ELMO1: variants seen among roughly 807,000 people sequenced by gnomAD.
ELMO1 encodes engulfment and cell motility protein 1.
Under a neutral mutation model 98.9 loss-of-function variants are expected in ELMO1, and 26 were observed. The observed-to-expected ratio is 0.26, with a 90% CI of 0.19 to 0.36. The LOEUF is 0.36. ELMO1 is among the 10% of genes least tolerant of loss of function. The pLI, the probability that ELMO1 is intolerant of heterozygous loss-of-function variation, is 1.00. For synonymous variants in ELMO1, 346 were observed against 346.0 expected (o/e 1.00, Z 0.00); for missense variants, 627 against 935.2 (o/e 0.67, Z 4.30).
chr7:37,006,076 C>T (rs114638215), intron 16 of ELMO1, among the ~76,000 whole-genome samples: 1 of 152,216 alleles, frequency 6.6e-6, no homozygotes, highest in East Asian at 1.9e-4. Context: ...CTGTCCCCAG[C>T]CCCCTGCCTC....
chr7:37,342,862 G>C lies in ELMO1; in HGVS notation c.-73-99C>G. ...CCTGTTTTCACTGGTGGTTTGGTAT[G>C]AAAAACGGCTCCCCTTGGTGCCTGG... On this transcript the variant is annotated intron_variant, in intron 1 of 21. Transcript: ENST00000310758. The surrounding 1 kb of genome is among the most constrained non-coding windows in gnomAD (Gnocchi z 4.3). The C allele has an allele frequency of 2.1e-5, 12 of 583,496 alleles. No homozygotes were observed. The highest frequency in any genetic ancestry group is 5.8e-6 in the Non-Finnish European group (2 of 342,540). The allele number at this position is 583,496 out of a possible 1,614,324, so 36.1% of individuals were successfully genotyped here.
intron 15 of ELMO1, among the ~76,000 whole-genome samples, chr7:37,065,827 G>C (rs1364706289): frequency 1.3e-5 from 2 of 152,156 alleles, no homozygotes; most frequent in Non-Finnish European, 2.9e-5. Flanking sequence ...CTGGGAAAAA[G>C]AAACAATCTG....
chr7:36,962,744 C>T (rs1048411860), intron 16 of ELMO1, among the ~76,000 whole-genome samples: 1 of 152,068 alleles, frequency 6.6e-6, no homozygotes, highest in Non-Finnish European at 1.5e-5. Flanking sequence ...GCTTTGAAGT[C>T]CTCCTTCCTT....
intron 15 of ELMO1, among the ~76,000 whole-genome samples, chr7:37,080,436 C>CTTTTTTTT (rs1192675212): frequency 7.3e-6 from 1 of 136,574 alleles, no homozygotes; most frequent in Non-Finnish European, 1.6e-5. Flanking sequence ...CACCATCCCA[C>CTTTTTTTT]TTTTTTTTTT....
chr7:36,861,885 T>A, intron 20 of ELMO1, 149 bp from the exon 21 acceptor site: 1 of 701,270 alleles, frequency 1.4e-6, no homozygotes, highest in Non-Finnish European at 2.5e-6. Context: ...GGAACCATGC[T>A]CTTCAAGGTT....
At chr7:37,020,384 G>A (rs1340347482) in intron 15 of ELMO1, among the ~76,000 whole-genome samples, 2 of 152,176 alleles carry the variant, frequency 1.3e-5, no homozygotes, top group Non-Finnish European at 2.9e-5. Flanking sequence ...AGAGTGTGAA[G>A]ACATTAGAGT....
At chr7:37,297,410 T>C (rs1490563592) in intron 4 of ELMO1, among the ~76,000 whole-genome samples, 1 of 152,160 alleles carries the variant, frequency 6.6e-6, no homozygotes, top group Non-Finnish European at 1.5e-5. Flanking sequence ...CTAAGACTAC[T>C]GTGAATCCTA....
At chr7:37,101,112 A>T (rs557214462) in intron 14 of ELMO1, among the ~76,000 whole-genome samples, 2 of 152,364 alleles carry the variant, frequency 1.3e-5, no homozygotes, top group South Asian at 2.1e-4. Context: ...TCATGACTGC[A>T]GTGAGACTGG....
chr7:37,287,618 G>T (rs950907005), intron 4 of ELMO1, among the ~76,000 whole-genome samples: 1 of 152,204 alleles, frequency 6.6e-6, no homozygotes, highest in African/African-American at 2.4e-5. Context: ...TGACATTTGT[G>T]ATTCAAGCAA....
chr7:37,303,516 A>C (rs917611089), intron 4 of ELMO1, among the ~76,000 whole-genome samples: 3 of 152,226 alleles, frequency 2.0e-5, no homozygotes, highest in Admixed American at 6.5e-5. Flanking sequence ...ATCTGCAATT[A>C]AGTTTCTGGC....
chr7:37,112,523 T>A (rs1584662466), intron 14 of ELMO1, among the ~76,000 whole-genome samples: 1 of 152,166 alleles, frequency 6.6e-6, no homozygotes, highest in Non-Finnish European at 1.5e-5. Context: ...TGCAGACAGG[T>A]GTGAATGACA....
rs193038968 is a variant in ELMO1, at chr7:37,322,006, C to T, written c.79-6046G>A. Among the ~76,000 whole-genome samples, 1,277 of 151,610 alleles carry T rather than the reference C, an allele frequency of 8.4e-3. 10 individuals are homozygous for T. Among genetic ancestry groups the T allele is most frequent in the Middle Eastern group, 0.014 (4 of 294 alleles). On this transcript the variant is annotated intron_variant, in intron 2 of 21. Transcript: ENST00000310758. The stretch of plus-strand genomic sequence containing the variant: ...TCCCCAGTAGCTGGGACTACAGGCA[C>T]GCACCACCACAGTCGGCTAATTTTT...
At chr7:37,145,031 G>A (rs979827686) in intron 13 of ELMO1, among the ~76,000 whole-genome samples, 5 of 152,276 alleles carry the variant, frequency 3.3e-5, no homozygotes, top group African/African-American at 9.6e-5. Flanking sequence ...CAAAAAAACT[G>A]AGCCCCTGGT....
At chr7:37,302,579 A>C (rs1022946441) in intron 4 of ELMO1, among the ~76,000 whole-genome samples, 1 of 152,090 alleles carries the variant, frequency 6.6e-6, no homozygotes, top group African/African-American at 2.4e-5. Flanking sequence ...CCAAGCCCAG[A>C]AGCCAGACAT....
At chr7:36,906,593 G>T (rs1427686731) in intron 16 of ELMO1, among the ~76,000 whole-genome samples, 1 of 152,156 alleles carries the variant, frequency 6.6e-6, no homozygotes, top group African/African-American at 2.4e-5. Context: ...TGGGAGCAGA[G>T]AGAATAACCA....
rs148167670 is a variant in ELMO1 at position 37,224,959 on chromosome 7, C to A, written c.621G>T (p.Ser207=). Residue 207 remains serine (S), a synonymous_variant, in exon 9 of 22, where the codon TCG becomes TCT. Coordinates refer to ENST00000310758, the MANE Select transcript of ELMO1 (RefSeq NM_014800.11). ...ILQRSLAILE[S]MVLNSHDLYQ... ...AGAGGTCATGGCTATTGAGCACCAT[C>A]GACTCCAAAATGGCCAAGGACCGCT... 6.2e-7 allele frequency: 1 copy of A among 1,613,952 alleles called. No individual in the cohort carries two copies. The highest frequency in any genetic ancestry group is 1.3e-5 in the African/African-American group (1 of 74,902).
chr7:37,121,948 T>C (rs1786082979), intron 14 of ELMO1, among the ~76,000 whole-genome samples: 1 of 152,150 alleles, frequency 6.6e-6, no homozygotes, highest in Admixed American at 6.5e-5. Context: ...CGGCAGAAAC[T>C]CTACAAGCCA....
rs542024787 is a variant in ELMO1, at chr7:37,410,764, G to T, written c.-74+37911C>A. Among the ~76,000 whole-genome samples, 19 of 152,288 alleles carry T rather than the reference G, an allele frequency of 1.2e-4. No individual in the cohort carries two copies. The South Asian group carries it at 3.9e-3, about 32-fold the overall frequency. On this transcript the variant is annotated intron_variant, in intron 1 of 21. Coordinates refer to ENST00000310758, the MANE Select transcript of ELMO1 (RefSeq NM_014800.11). ...AAGGAAGGCAACCTGACACATTTTGGTAGAGAAACAAAAAACAGTGGGTTT... is the reference window on the plus strand; with the variant it reads ...AAGGAAGGCAACCTGACACATTTTGTTAGAGAAACAAAAAACAGTGGGTTT...
At chr7:36,936,379 C>G (rs1441294157) in intron 16 of ELMO1, among the ~76,000 whole-genome samples, 1 of 152,184 alleles carries the variant, frequency 6.6e-6, no homozygotes, top group Non-Finnish European at 1.5e-5. Context: ...GGGCTACCAC[C>G]CCTGGATTAC....
Sources: allele counts gnomAD v4.1 joint callset (sites outside exome capture counted in the v4.1 genomes callset), GRCh38; gene constraint gnomAD v4.1.1; non-coding constraint Gnocchi (gnomAD v3.1); transcripts MANE v1.5; gene names NCBI Gene and HGNC (gene_info 2026-07-23, HGNC 2026-07-21).